POC1B: variants seen among roughly 807,000 people sequenced by gnomAD.
POC1B encodes POC1 centriolar protein B, also known as POC1 centriolar protein homolog B.
A neutral mutation model predicts 60.6 loss-of-function variants in POC1B; 44 were observed. The observed-to-expected ratio is 0.73, with a 90% confidence interval of 0.57 to 0.93. POC1B has a LOEUF of 0.93. Among genes scored for constraint, POC1B ranks in the 40% least tolerant of loss-of-function variants. The pLI is 0.00. For synonymous variants in POC1B, 180 were observed against 198.9 expected (o/e 0.90, Z 0.80); for missense variants, 555 against 572.3 (o/e 0.97, Z 0.31).
At chr12:89,491,343 G>C (rs919233574) in intron 4 of POC1B, among the ~76,000 whole-genome samples, 2 of 151,952 alleles carry the variant, frequency 1.3e-5, no homozygotes, top group African/African-American at 4.8e-5. Flanking sequence ...GAAATTACAG[G>C]CCCCTTGTAA....
the POC1B span, among the ~76,000 whole-genome samples, chr12:89,412,151 A>C: frequency 6.6e-6 from 1 of 152,172 alleles, no homozygotes; most frequent in Non-Finnish European, 1.5e-5. Context: ...TCTCAGCAAG[A>C]AGTCCTTGTC....
At chr12:89,501,571 A>G (rs771893169) in intron 2 of POC1B, 24 of 1,353,108 alleles carry the variant, frequency 1.8e-5, no homozygotes, top group African/African-American at 2.9e-5. Context: ...TAGCACTAGA[A>G]AAGATAAGGA....
chr12:89,440,728 C>A (rs540465895), intron 10 of POC1B, among the ~76,000 whole-genome samples: 1 of 152,332 alleles, frequency 6.6e-6, no homozygotes, highest in African/African-American at 2.4e-5. Flanking sequence ...CGGGTGACTT[C>A]TGCACTTCCA....
At chr12:89,401,701 T>C in the POC1B span, among the ~76,000 whole-genome samples, 1 of 152,216 alleles carries the variant, frequency 6.6e-6, no homozygotes, top group Admixed American at 6.5e-5. Context: ...ATCTCAATCT[T>C]TTGAAGTCAA....
intron 2 of POC1B, chr12:89,523,943 T>TA: frequency 6.2e-7 from 1 of 1,613,226 alleles, no homozygotes; most frequent in Non-Finnish European, 8.5e-7. Flanking sequence ...CCCTCTCGCT[T>TA]ATTGGTCCTA....
chr12:89,524,072 C>T (rs1294078493), intron 2 of POC1B: 1 of 1,613,832 alleles, frequency 6.2e-7, no homozygotes, highest in Admixed American at 1.7e-5. Context: ...GGAGAAGTTT[C>T]TAAAACACTG....
downstream of POC1B, among the ~76,000 whole-genome samples, chr12:89,417,212 C>G (rs12319447): frequency 0.045 from 6,847 of 152,186 alleles, 430 homozygotes; most frequent in East Asian, 0.12. Context: ...TAATTGGGAG[C>G]CCATTACACT....
intron 3 of POC1B, 97 bp from the exon 4 acceptor site, chr12:89,492,212 A>AT (rs1229276925): frequency 2.9e-6 from 3 of 1,039,604 alleles, no homozygotes; most frequent in African/African-American, 1.6e-5. Context: ...AATAGTTTAA[A>AT]TAAAATGGTT....
chr12:89,434,060 ATCTGATCAAG>A (rs1364264688), intron 10 of POC1B, among the ~76,000 whole-genome samples: 1 of 152,242 alleles, frequency 6.6e-6, no homozygotes, highest in African/African-American at 2.4e-5. Context: ...GAACATACTC[ATCTGATCAAG>A]TCTGATTGAC....
At chr12:89,471,766 TTC>T (rs771124981) in intron 5 of POC1B, 37 bp from the exon 6 acceptor site, 3 of 1,243,802 alleles carry the variant, frequency 2.4e-6, no homozygotes, top group South Asian at 1.4e-5. Flanking sequence ...ATATTTCAAT[TTC>T]TTTTTTTTTT....
chr12:89,511,942 T>G (rs896953347), intron 2 of POC1B, among the ~76,000 whole-genome samples: 42 of 152,212 alleles, frequency 2.8e-4, no homozygotes, highest in African/African-American at 1.0e-3. Flanking sequence ...TAGTACTAGC[T>G]ACTTGGGAGG....
chr12:89,502,775 A>G (rs1454828103), intron 2 of POC1B: 11 of 1,326,242 alleles, frequency 8.3e-6, no homozygotes, highest in Non-Finnish European at 1.2e-5. Flanking sequence ...TGGCCAGGAT[A>G]TATTGTTTTT....
chr12:89,438,106 C>G (rs1881353802), intron 10 of POC1B, among the ~76,000 whole-genome samples: 1 of 151,864 alleles, frequency 6.6e-6, no homozygotes, highest in Non-Finnish European at 1.5e-5. Flanking sequence ...TCTCACCCTT[C>G]CCTCTACTCA....
intron 1 of POC1B, 38 bp downstream of exon 1, chr12:89,525,843 C>T (rs1442548322): frequency 1.4e-6 from 2 of 1,411,642 alleles, no homozygotes; most frequent in Non-Finnish European, 1.9e-6. Flanking sequence ...GGGACAGGCT[C>T]CAGGGAGGGA....
At chr12:89,411,119 G>A in the POC1B span, among the ~76,000 whole-genome samples, 1 of 152,166 alleles carries the variant, frequency 6.6e-6, no homozygotes, top group African/African-American at 2.4e-5. Flanking sequence ...GGAAATAAGG[G>A]AGGACATAAA....
chr12:89,421,005 T>G lies in POC1B; in HGVS notation c.*148A>C. 2 of 549,184 alleles carry G rather than the reference T, an allele frequency of 3.6e-6. No individual in the cohort carries two copies. The highest frequency in any genetic ancestry group is 6.2e-6 in the Non-Finnish European group (2 of 321,006). The allele number at this position is 549,184 out of a possible 1,614,324, so 34.0% of individuals were successfully genotyped here. On this transcript the variant is annotated 3_prime_UTR_variant, in exon 12 of 12. Coordinates refer to ENST00000313546, the MANE Select transcript of POC1B (RefSeq NM_172240.3). ...GTCCTTAGGTATGCCTTTTCTGCCT[T>G]TTGTTCTGTTGCTCACCCTTTTAAG...
chr12:89,454,191 T>C (rs1255537783), intron 10 of POC1B, among the ~76,000 whole-genome samples: 1 of 152,186 alleles, frequency 6.6e-6, no homozygotes, highest in African/African-American at 2.4e-5. Flanking sequence ...CCAGGAGATA[T>C]TCTCAGCTAT....
At chr12:89,507,778 G>A (rs1021789961) in intron 2 of POC1B, among the ~76,000 whole-genome samples, 5 of 152,146 alleles carry the variant, frequency 3.3e-5, no homozygotes, top group African/African-American at 4.8e-5. Context: ...ATGGCCACCC[G>A]TCTTTGTGTC....
chr12:89,511,344 A>C (rs1157127855), intron 2 of POC1B, among the ~76,000 whole-genome samples: 2 of 151,362 alleles, frequency 1.3e-5, no homozygotes, highest in African/African-American at 4.9e-5. Context: ...TGACTCCGGG[A>C]GGCAGAAGTT....
Sources: allele counts gnomAD v4.1 joint callset (sites outside exome capture counted in the v4.1 genomes callset), GRCh38; gene constraint gnomAD v4.1.1; transcripts MANE v1.5; gene names NCBI Gene and HGNC (gene_info 2026-07-23, HGNC 2026-07-21).